DZIP3: variants seen among roughly 807,000 people sequenced by gnomAD.
The protein encoded by DZIP3 is E3 ubiquitin-protein ligase DZIP3.
Under a neutral mutation model 162.0 loss-of-function variants are expected in DZIP3, and 118 were observed. That is an observed-to-expected ratio of 0.73 (90% CI 0.63 to 0.85). The LOEUF (loss-of-function observed/expected upper bound fraction) is 0.85. Among genes scored for constraint, DZIP3 ranks in the 40% least tolerant of loss-of-function variants. The pLI is 0.00. For missense variants in DZIP3, 1,331 were observed against 1,407.0 expected (o/e 0.95, Z 0.86); for synonymous variants, 438 against 458.6 (o/e 0.96, Z 0.57).
At chr3:108,658,668 CA>C (rs1360458028) in intron 19 of DZIP3, among the ~76,000 whole-genome samples, 1 of 151,952 alleles carries the variant, frequency 6.6e-6, no homozygotes, top group African/African-American at 2.4e-5. Context: ...GATAGAGACA[CA>C]AAAAACCCTT....
In DZIP3 at chr3:108,686,594, T is replaced by G; in HGVS notation, c.3149+10T>G. 6.3e-7 allele frequency: 1 copy of G among 1,591,404 alleles called. No homozygotes were observed. On this transcript the variant is annotated intron_variant, in intron 28 of 32. Coordinates refer to ENST00000361582, the MANE Select transcript of DZIP3 (RefSeq NM_014648.4). ...TTCCACAGCAAACCAGGTACCTTAGTTTTTATTTATTGGTGGGTACAGATC... is the reference window on the plus strand; with the variant it reads ...TTCCACAGCAAACCAGGTACCTTAGGTTTTATTTATTGGTGGGTACAGATC...
intron 5 of DZIP3, among the ~76,000 whole-genome samples, chr3:108,617,087 G>A (rs556254492): frequency 1.1e-4 from 16 of 152,318 alleles, no homozygotes; most frequent in Admixed American, 3.9e-4. Context: ...CAGAGAGTAC[G>A]ATGGTGGCTA....
At chr3:108,605,846 T>C (rs531611651) in intron 2 of DZIP3, among the ~76,000 whole-genome samples, 5 of 152,210 alleles carry the variant, frequency 3.3e-5, no homozygotes, top group Non-Finnish European at 7.3e-5. Context: ...GACATAATGT[T>C]TGTTTTTTCC....
At chr3:108,648,793 C>A in intron 16 of DZIP3, 125 bp from the exon 17 acceptor site, 3 of 423,894 alleles carry the variant, frequency 7.1e-6, no homozygotes, top group Non-Finnish European at 7.7e-6. Flanking sequence ...TCCATAGAAT[C>A]TAGAAAGAAA....
intron 1 of DZIP3, among the ~76,000 whole-genome samples, chr3:108,597,987 G>A (rs12488177): frequency 2.6e-5 from 4 of 152,078 alleles, no homozygotes; most frequent in African/African-American, 9.7e-5. Context: ...GTTTATTTCA[G>A]TACCATGTAT....
chr3:108,603,912 A>G (rs556306832), intron 1 of DZIP3, among the ~76,000 whole-genome samples: 4 of 152,234 alleles, frequency 2.6e-5, no homozygotes, highest in Non-Finnish European at 5.9e-5. Flanking sequence ...GAAAAGATAC[A>G]CAGACCTCAG....
intron 28 of DZIP3, 78 bp downstream of exon 28, chr3:108,686,662 T>G: frequency 7.3e-7 from 1 of 1,364,832 alleles, no homozygotes; most frequent in Admixed American, 2.8e-5. Flanking sequence ...CAATGAAACA[T>G]TTCAGAGAAA....
At chr3:108,691,226 C>G in intron 32 of DZIP3, 1 of 187,854 alleles carries the variant, frequency 5.3e-6, no homozygotes, top group Non-Finnish European at 1.1e-5. Context: ...TTACTCTCCC[C>G]TCAAGTATTC....
intron 1 of DZIP3, among the ~76,000 whole-genome samples, chr3:108,599,167 A>G (rs765833548): frequency 1.3e-5 from 2 of 152,210 alleles, no homozygotes; most frequent in Non-Finnish European, 2.9e-5. Flanking sequence ...GTTTAAGCAG[A>G]TATATTGCTA....
intron 1 of DZIP3, among the ~76,000 whole-genome samples, chr3:108,600,750 T>G (rs1939961620): frequency 6.6e-6 from 1 of 152,190 alleles, no homozygotes; most frequent in Non-Finnish European, 1.5e-5. Context: ...ATTCTGTCTT[T>G]TAAGCATTTA....
intron 8 of DZIP3, among the ~76,000 whole-genome samples, chr3:108,629,767 T>C (rs1941748016): frequency 6.6e-6 from 1 of 151,650 alleles, no homozygotes; most frequent in Admixed American, 6.6e-5. Flanking sequence ...GATTTTGCCA[T>C]ATTATACAAT....
intron 10 of DZIP3, among the ~76,000 whole-genome samples, chr3:108,636,014 A>T (rs894261343): frequency 2.0e-5 from 3 of 151,950 alleles, no homozygotes; most frequent in Admixed American, 1.3e-4. Context: ...AAGTAAGGAT[A>T]AGATAAACCT....
At chr3:108,605,505 G>GA (rs1296366986) in intron 2 of DZIP3, 67 bp downstream of exon 2, 68 of 1,516,090 alleles carry the variant, frequency 4.5e-5, no homozygotes, top group Non-Finnish European at 6.0e-5. Flanking sequence ...TTTTTCCACG[G>GA]ATGGTGGGGG....
Position 108,677,497 on chromosome 3 carries a change from A to C in DZIP3, c.2782A>C (p.Thr928Pro), listed in dbSNP as rs777400027. 1 of 1,612,228 alleles carries C rather than the reference A, an allele frequency of 6.2e-7. No homozygotes were observed. Among genetic ancestry groups the C allele is most frequent in the South Asian group, 1.1e-5 (1 of 91,036 alleles). ...AGTATTTTTAGTCTTCTTCTACCAG[A>C]CACAGTACAATGAACAAATAAACAA... ...DVRNKIAFLR[T>P]QYNEQINKVK... is the part of the protein sequence containing the mutation. Residue 928 changes from threonine to proline, a missense_variant and splice_region_variant, in exon 26 of 33, where the codon ACA becomes CCA. By Grantham distance (38) the Thr-to-Pro change is conservative. Coordinates refer to ENST00000361582, the MANE Select transcript of DZIP3 (RefSeq NM_014648.4).
chr3:108,628,515 C>G (rs1941688536), intron 7 of DZIP3, among the ~76,000 whole-genome samples: 1 of 152,274 alleles, frequency 6.6e-6, no homozygotes, highest in East Asian at 1.9e-4. Context: ...TGCCTTATGT[C>G]TAGAGGAGGT....
intron 19 of DZIP3, among the ~76,000 whole-genome samples, chr3:108,654,931 T>C (rs1054358683): frequency 5.3e-5 from 8 of 152,218 alleles, no homozygotes; most frequent in African/African-American, 1.9e-4. Flanking sequence ...TAGTGGTATG[T>C]AATATGTAGG....
At chr3:108,618,206 A>G (rs1334811368) in intron 5 of DZIP3, among the ~76,000 whole-genome samples, 1 of 152,224 alleles carries the variant, frequency 6.6e-6, no homozygotes, top group Non-Finnish European at 1.5e-5. Context: ...TTAGAAATGT[A>G]CAACTTGCAT....
chr3:108,683,811 T>C (rs112328552), intron 26 of DZIP3, among the ~76,000 whole-genome samples: 11 of 152,326 alleles, frequency 7.2e-5, no homozygotes, highest in African/African-American at 2.6e-4. Flanking sequence ...GTATCAATAT[T>C]GCCCACCAAC....
intron 5 of DZIP3, among the ~76,000 whole-genome samples, chr3:108,620,659 T>C (rs1389983619): frequency 6.6e-6 from 1 of 152,224 alleles, no homozygotes; most frequent in Non-Finnish European, 1.5e-5. Context: ...CTAATCTATC[T>C]CATCTCAGTA....
Sources: gnomAD v4.1 joint callset for allele counts (sites outside exome capture counted in the v4.1 genomes callset) on GRCh38, gnomAD v4.1.1 for gene constraint, MANE v1.5 for transcripts, NCBI Gene and HGNC (gene_info 2026-07-23, HGNC 2026-07-21) for gene names.